The following CTSB variants were observed in gnomAD, a reference collection of about 807,000 sequenced individuals.
CTSB encodes the protein APP secretase.
In CTSB, 57 loss-of-function variants were observed where a neutral mutation model predicts 44.3. The observed-to-expected ratio is 1.29, with a 90% CI of 1.04 to 1.60. The LOEUF (loss-of-function observed/expected upper bound fraction) is 1.60. Ranked by LOEUF, CTSB falls within the 40% of genes most tolerant of loss-of-function variation. CTSB has a pLI of 0.00. For missense variants in CTSB, 768 were observed against 443.0 expected (o/e 1.73, Z -6.59); for synonymous variants, 320 against 168.0 (o/e 1.91, Z -7.00).
At chr8:11,862,574 T>C (rs140473256) in intron 1 of CTSB, 1 of 152,234 alleles carries the variant, frequency 6.6e-6, no homozygotes, top group South Asian at 2.1e-4. Context: ...GCAAAGCATG[T>C]CCCAAACACC....
chr8:11,846,628 G>C (rs537708649), intron 8 of CTSB, among the ~76,000 whole-genome samples: 10 of 152,338 alleles, frequency 6.6e-5, no homozygotes, highest in African/African-American at 2.4e-4. Context: ...TTTGCAAAGA[G>C]AAAGATGAAG....
At chr8:11,845,569 G>A in intron 9 of CTSB, 92 bp downstream of exon 9, 8 of 1,478,894 alleles carry the variant, frequency 5.4e-6, no homozygotes, top group Non-Finnish European at 7.4e-6. Context: ...AGGGTTTAAG[G>A]CTGTGCGGTG....
Position 11,843,484 on chromosome 8 carries a change from A to T in CTSB, c.*1641T>A, listed in dbSNP as rs1812637094. On this transcript the variant is annotated 3_prime_UTR_variant, in exon 10 of 10. Transcript: ENST00000353047. ...TGCTGGTTCTTCTAGTTTGCTCTAT[A>T]CCAAGAACTGCTATAACATGTTTCT... 6.6e-6 allele frequency: 1 copy of T among 152,228 alleles called. No individual in the cohort carries two copies. Among genetic ancestry groups the T allele is most frequent in the African/African-American group, 2.4e-5 (1 of 41,440 alleles). 9.4% of individuals were successfully genotyped at this position (152,228 alleles called of 1,614,324 possible).
chr8:11,849,841 A>C (rs1026190033), intron 4 of CTSB, among the ~76,000 whole-genome samples: 2 of 152,118 alleles, frequency 1.3e-5, no homozygotes, highest in Admixed American at 6.5e-5. Flanking sequence ...TCAGCCTCCC[A>C]AAGTGTTGAG....
In CTSB at chr8:11,851,791, C is replaced by T. The variant is rs563566299; in HGVS notation, c.213-811G>A. 1.8e-3 allele frequency among the ~76,000 whole-genome samples: 269 copies of T among 152,016 alleles called. 1 individual carries two copies. The highest frequency in any genetic ancestry group is 6.8e-3 in the Middle Eastern group (2 of 294). ...ATGCGATTCTCTAGCCTCAGCCTCC[C>T]GAGTAGCTGGGATTACAGGCGCCCG... On this transcript the variant is annotated intron_variant, in intron 3 of 9. Coordinates refer to ENST00000353047, the MANE Select transcript of CTSB (RefSeq NM_001908.5).
intron 1 of CTSB, among the ~76,000 whole-genome samples, chr8:11,856,401 G>A (rs564222553): frequency 2.6e-5 from 4 of 152,180 alleles, no homozygotes; most frequent in African/African-American, 7.2e-5. Flanking sequence ...ATCACCTGAG[G>A]TCAGGAGTTA....
chr8:11,854,744 G>A (rs1815228376), intron 1 of CTSB: 1 of 152,218 alleles, frequency 6.6e-6, no homozygotes, highest in Non-Finnish European at 1.5e-5. Context: ...GCCTCCCAAA[G>A]TGCTGGGATT....
intron 7 of CTSB, 123 bp from the exon 8 acceptor site, chr8:11,847,291 C>T (rs2131001062): frequency 4.2e-6 from 3 of 706,720 alleles, no homozygotes; most frequent in Middle Eastern, 3.4e-4. Context: ...GGGGACTTGC[C>T]CTGCCAGGGG....
intron 1 of CTSB, 59 bp from the exon 2 acceptor site, chr8:11,853,538 A>C (rs1586147470): frequency 6.6e-7 from 1 of 1,511,358 alleles, no homozygotes; most frequent in South Asian, 1.2e-5. Context: ...GGGCTCACAC[A>C]CACAGGGGCA....
chr8:11,847,422 G>T (rs1813608871), intron 7 of CTSB, among the ~76,000 whole-genome samples: 2 of 152,214 alleles, frequency 1.3e-5, no homozygotes, highest in African/African-American at 4.8e-5. Context: ...AAGACTCCAG[G>T]ACACGCCACT....
intron 1 of CTSB, among the ~76,000 whole-genome samples, chr8:11,862,140 G>C (rs1816515282): frequency 1.3e-5 from 2 of 151,438 alleles, no homozygotes; most frequent in South Asian, 2.1e-4. Flanking sequence ...CCGGGAGGCG[G>C]AGTTTGCAGT....
Position 11,843,340 on chromosome 8 carries a change from C to CAA in CTSB, c.*1784_*1785insTT, listed in dbSNP as rs1812607851. On this transcript the variant is annotated 3_prime_UTR_variant, in exon 10 of 10. Transcript: ENST00000353047. The stretch of plus-strand genomic sequence containing the variant: ...AGCTTATTTGATCTAGCATCTGGTT[C>CAA]CTAAATTCTGAGTCACATCAGAAGC... 6.6e-6 allele frequency: 1 copy of CAA among 152,298 alleles called. No individual in the cohort carries two copies. Among genetic ancestry groups the CAA allele is most frequent in the South Asian group, 2.1e-4 (1 of 4,828 alleles). 9.4% of individuals were successfully genotyped at this position (152,298 alleles called of 1,614,324 possible). A position where few individuals can be genotyped will look rare whatever the true frequency, so the allele number is the denominator to read the frequency against.
chr8:11,847,097 C>T lies in CTSB; in HGVS notation c.748G>A (p.Glu250Lys), dbSNP rs767193527. The T allele has an allele frequency of 6.2e-7, 1 of 1,613,762 alleles. No homozygotes were observed. Among genetic ancestry groups the T allele is most frequent in the South Asian group, 1.1e-5 (1 of 91,080 alleles). ...TCCGAATACACAGAGAAAGCTCCCTCCACGGGGCCGTTTTTGTAGATCTCG... is the reference window on the plus strand; with the variant it reads ...TCCGAATACACAGAGAAAGCTCCCTTCACGGGGCCGTTTTTGTAGATCTCG... Reference protein sequence around the residue: ...MAEIYKNGPVEGAFSVYSDFL... With the variant: ...MAEIYKNGPVKGAFSVYSDFL... Residue 250 changes from glutamate (E) to lysine (K), a missense_variant, in exon 8 of 10, where the codon GAG becomes AAG. Glu to Lys is a moderately conservative substitution (Grantham distance 56). Coordinates refer to ENST00000353047, the MANE Select transcript of CTSB (RefSeq NM_001908.5).
intron 1 of CTSB, among the ~76,000 whole-genome samples, chr8:11,857,641 T>C (rs913832109): frequency 4.6e-5 from 7 of 152,150 alleles, no homozygotes; most frequent in African/African-American, 7.2e-5. Context: ...CAACCTGCCG[T>C]GGCCATTCCC....
chr8:11,859,849 C>T (rs1230919195), intron 1 of CTSB, among the ~76,000 whole-genome samples: 2 of 145,778 alleles, frequency 1.4e-5, no homozygotes, highest in Non-Finnish European at 3.0e-5. Context: ...CTGAGGCAGG[C>T]GGATCACGAG....
Position 11,845,035 on chromosome 8 carries a change from T to A in CTSB, c.*90A>T, listed in dbSNP as rs1349824868. ...CCAATCCAGTCCTTCAGACCCTGTC[T>A]GAAACTTGTATCTTACGTGAACTTA... On this transcript the variant is annotated 3_prime_UTR_variant, in exon 10 of 10. Transcript: ENST00000353047. 9.9e-6 allele frequency: 9 copies of A among 911,696 alleles called. No homozygotes were observed. The South Asian group carries it at 1.3e-4, about 13-fold the overall frequency. The allele number at this position is 911,696 out of a possible 1,614,324, so 56.5% of individuals were successfully genotyped here. A position where few individuals can be genotyped will look rare whatever the true frequency, so the allele number is the denominator to read the frequency against.
At chr8:11,854,593 T>TTCAAACAGTTCTTGTG (rs71205034) in intron 1 of CTSB, 3 of 151,512 alleles carry the variant, frequency 2.0e-5, no homozygotes, top group East Asian at 3.9e-4. Context: ...ACCTCCCAGG[T>TTCAAACAGTTCTTGTG]TCTTAGCCTC....
chr8:11,853,427 A>G lies in CTSB; in HGVS notation c.28T>C (p.Cys10Arg). 6.2e-7 allele frequency: 1 copy of G among 1,612,628 alleles called. No homozygotes were observed. The highest frequency in any genetic ancestry group is 8.5e-7 in the Non-Finnish European group (1 of 1,179,784). Residue 10 changes from cysteine (C) to arginine (R), a missense_variant, in exon 2 of 10, where the codon TGC becomes CGC. Physicochemically the swap from Cys to Arg is radical, Grantham distance 180. Coordinates refer to ENST00000353047, the MANE Select transcript of CTSB (RefSeq NM_001908.5). ...CGGGCATTGGCCAACACCAGCAGGC[A>G]GCAGAGGGAGGCCCAGAGCTGCCAC... Reference protein sequence around the residue: MWQLWASLCCLLVLANARSR... With the variant: MWQLWASLCRLLVLANARSR...
chr8:11,856,878 T>G (rs767654143), intron 1 of CTSB, among the ~76,000 whole-genome samples: 7 of 152,060 alleles, frequency 4.6e-5, no homozygotes, highest in Non-Finnish European at 8.8e-5. Context: ...GTGAGTATGT[T>G]CCTATTATTT....
Sources: gnomAD v4.1 joint callset for allele counts (sites outside exome capture counted in the v4.1 genomes callset) on GRCh38, gnomAD v4.1.1 for gene constraint, MANE v1.5 for transcripts, NCBI Gene and HGNC (gene_info 2026-07-23, HGNC 2026-07-21) for gene names.